The following KALRN variants were observed in gnomAD, a reference collection of about 807,000 sequenced individuals.
KALRN encodes the protein kalirin RhoGEF kinase, also known as kalirin.
KALRN carries 70 observed loss-of-function variants against 353.7 expected under a neutral mutation model. The observed-to-expected ratio is 0.20, with a 90% CI of 0.16 to 0.24. The LOEUF (loss-of-function observed/expected upper bound fraction) is 0.24, where lower values mean the gene tolerates loss of function less well. Ranked by LOEUF, KALRN falls within the 10% of genes least tolerant of loss-of-function variation. KALRN has a pLI of 1.00. For missense variants in KALRN, 2,791 were observed against 3,756.7 expected (o/e 0.74, Z 6.72); for synonymous variants, 1,391 against 1,434.8 (o/e 0.97, Z 0.69).
chr3:124,562,763 T>C (rs2072223672), intron 33 of KALRN, 80 bp from the exon 34 acceptor site: 1 of 1,215,824 alleles, frequency 8.2e-7, no homozygotes, highest in African/African-American at 1.6e-5. Flanking sequence ...CTTCGTCCCC[T>C]CTCACCAACC....
chr3:124,344,103 T>C (rs534648318), intron 9 of KALRN, among the ~76,000 whole-genome samples: 1 of 152,226 alleles, frequency 6.6e-6, no homozygotes, highest in African/African-American at 2.4e-5. Flanking sequence ...ATTTTAAATA[T>C]GCCTTGTAGA....
At chr3:124,679,032 A>G (rs148345515) in intron 50 of KALRN, among the ~76,000 whole-genome samples, 12 of 152,354 alleles carry the variant, frequency 7.9e-5, no homozygotes, top group African/African-American at 1.2e-4. Context: ...AGCACTAATT[A>G]TGCTATAATG....
At chr3:124,280,570 T>C (rs886990182) in intron 5 of KALRN, among the ~76,000 whole-genome samples, 1 of 152,138 alleles carries the variant, frequency 6.6e-6, no homozygotes, top group African/African-American at 2.4e-5. Flanking sequence ...TGAGGGGTAA[T>C]GGGAGGAGTC....
chr3:124,059,563 A>G (rs150423315), intron 1 of KALRN, among the ~76,000 whole-genome samples: 262 of 152,280 alleles, frequency 1.7e-3, no homozygotes, highest in Non-Finnish European at 2.9e-3. Context: ...CAATCTCCCC[A>G]AGAAAAGTAC....
intron 57 of KALRN, among the ~76,000 whole-genome samples, chr3:124,711,065 T>A (rs1471295619): frequency 5.3e-5 from 8 of 152,196 alleles, no homozygotes; most frequent in African/African-American, 1.4e-4. Flanking sequence ...ATTTATGATG[T>A]GAAACAAAAC....
At chr3:124,182,564 A>G (rs1479688082) in intron 1 of KALRN, among the ~76,000 whole-genome samples, 1 of 152,262 alleles carries the variant, frequency 6.6e-6, no homozygotes, top group Non-Finnish European at 1.5e-5. Context: ...GCCTAGCCAC[A>G]GAAGTGATCT....
At chr3:124,106,733 A>G (rs1205956882) in intron 1 of KALRN, among the ~76,000 whole-genome samples, 3 of 152,196 alleles carry the variant, frequency 2.0e-5, no homozygotes, top group African/African-American at 4.8e-5. Flanking sequence ...AAGTCATACA[A>G]TTATCGGCTG....
At chr3:124,052,372 G>A (rs900101789) in intron 1 of KALRN, among the ~76,000 whole-genome samples, 1 of 152,114 alleles carries the variant, frequency 6.6e-6, no homozygotes, top group East Asian at 1.9e-4. Flanking sequence ...TGGATTCCAA[G>A]TCTGTGTGCC....
chr3:124,152,106 G>A (rs764412486), intron 1 of KALRN: 20 of 1,268,302 alleles, frequency 1.6e-5, no homozygotes, highest in South Asian at 9.5e-5. Context: ...TCTTTGAAGC[G>A]TTTTCCAACA....
intron 1 of KALRN, among the ~76,000 whole-genome samples, chr3:124,221,861 C>T (rs2077952773): frequency 1.3e-5 from 2 of 152,160 alleles, no homozygotes. Context: ...TTTTATTAGG[C>T]TGGAAACTCA....
intron 1 of KALRN, among the ~76,000 whole-genome samples, chr3:124,227,022 G>A (rs1211091022): frequency 6.6e-6 from 1 of 152,128 alleles, no homozygotes; most frequent in East Asian, 1.9e-4. Flanking sequence ...AGTCCCTGTG[G>A]GGTTCTTAGG....
Position 124,638,230 on chromosome 3 carries a change from T to C in KALRN, c.5664+927T>C, listed in dbSNP as rs543779844. Among the ~76,000 whole-genome samples, 6 of 152,264 alleles carry C rather than the reference T, an allele frequency of 3.9e-5. No homozygotes were observed. In the East Asian group the frequency reaches 9.6e-4, roughly 24 times the overall value. On this transcript the variant is annotated intron_variant, in intron 37 of 59. Coordinates refer to ENST00000682506, the MANE Select transcript of KALRN (RefSeq NM_001388419.1). ...CTCTCTATGGAAAGCTACCTAATAA[T>C]TTTGACTATAGTAACTCCCTTTTCA... is the stretch of plus-strand genomic sequence containing the variant.
intron 34 of KALRN, among the ~76,000 whole-genome samples, chr3:124,571,856 G>A (rs2073546123): frequency 6.6e-6 from 1 of 151,638 alleles, no homozygotes; most frequent in Non-Finnish European, 1.5e-5. Context: ...TCGAACTCCT[G>A]AGCTCAAGCA....
rs560017606 is a variant in KALRN at position 124,221,889 on chromosome 3, C to G, written c.74-6101C>G. On this transcript the variant is annotated intron_variant, in intron 1 of 59. Coordinates refer to ENST00000682506, the MANE Select transcript of KALRN (RefSeq NM_001388419.1). ...GAAACTCAGCAGAAATTGGGTTTCC[C>G]CTCCAAGGGAGAGAATTGCCTGAGA... 5.9e-5 allele frequency among the ~76,000 whole-genome samples: 9 copies of G among 152,262 alleles called. No individual in the cohort carries two copies. In the East Asian group the frequency reaches 1.7e-3, roughly 29 times the overall value.
chr3:124,647,790 A>G (rs2082946391), intron 37 of KALRN, among the ~76,000 whole-genome samples: 1 of 152,204 alleles, frequency 6.6e-6, no homozygotes, highest in Non-Finnish European at 1.5e-5. Flanking sequence ...GGAGTATGTA[A>G]AGAGTGTCTA....
At chr3:124,071,251 T>C (rs1474405712) in intron 1 of KALRN, among the ~76,000 whole-genome samples, 1 of 152,180 alleles carries the variant, frequency 6.6e-6, no homozygotes, top group Non-Finnish European at 1.5e-5. Context: ...CTTGCAGGTA[T>C]AAGTTTGCTG....
intron 34 of KALRN, among the ~76,000 whole-genome samples, chr3:124,587,709 T>C (rs1422136760): frequency 2.2e-5 from 3 of 137,434 alleles, no homozygotes; most frequent in African/African-American, 8.4e-5. Context: ...TTTTTTTTTT[T>C]TTTTTTTTTT....
chr3:124,354,344 T>C (rs2083154426), intron 10 of KALRN, among the ~76,000 whole-genome samples: 2 of 152,198 alleles, frequency 1.3e-5, no homozygotes, highest in South Asian at 4.1e-4. Flanking sequence ...CCTATGTAGA[T>C]GGTATTTAAA....
chr3:124,473,437 C>CCTT (rs1329296313), intron 25 of KALRN, among the ~76,000 whole-genome samples: 1 of 152,140 alleles, frequency 6.6e-6, no homozygotes, highest in East Asian at 1.9e-4. Flanking sequence ...TGTTCCTTCA[C>CCTT]CTGCTTCCCT....
Sources: gnomAD v4.1 joint callset for allele counts (sites outside exome capture counted in the v4.1 genomes callset) on GRCh38, gnomAD v4.1.1 for gene constraint, MANE v1.5 for transcripts, NCBI Gene and HGNC (gene_info 2026-07-23, HGNC 2026-07-21) for gene names.